KLF8: variants seen among roughly 807,000 people sequenced by gnomAD.
KLF8 encodes the protein Krueppel-like factor 8.
A neutral mutation model predicts 18.2 loss-of-function variants in KLF8; 10 were observed. The observed-to-expected ratio is 0.55, with a 90% CI of 0.34 to 0.93. The LOEUF (loss-of-function observed/expected upper bound fraction) is 0.93. Ranked by LOEUF, KLF8 falls within the 40% of genes least tolerant of loss-of-function variation. KLF8 has a pLI of 0.02. For synonymous variants in KLF8, 109 were observed against 97.3 expected (o/e 1.12, Z -0.71); for missense variants, 264 against 277.9 (o/e 0.95, Z 0.36).
the KLF8 span, among the ~76,000 whole-genome samples, chrX:56,159,730 G>A: frequency 3.3e-4 from 37 of 111,614 alleles, no homozygotes; most frequent in Non-Finnish European, 3.2e-4. Context: ...GATCGGTGGT[G>A]ATATCCCCTT....
chrX:56,192,148 G>A, the KLF8 span, among the ~76,000 whole-genome samples: 1 of 111,698 alleles, frequency 9.0e-6, no homozygotes, highest in African/African-American at 3.2e-5. Flanking sequence ...AAGTGAACAT[G>A]CAAAAATCAG....
chrX:55,966,041 C>G, the KLF8 span, among the ~76,000 whole-genome samples: 2 of 112,131 alleles, frequency 1.8e-5, no homozygotes, highest in Non-Finnish European at 3.8e-5. Context: ...TGTGGAGAGA[C>G]TTGTCTGACT....
chrX:56,219,668 T>C, the KLF8 span, among the ~76,000 whole-genome samples: 1 of 111,430 alleles, frequency 9.0e-6, no homozygotes, highest in South Asian at 3.7e-4. Flanking sequence ...CTTGCCCCCC[T>C]ACTTCAATTC....
At chrX:56,261,719 T>C (rs1174645000) in intron 2 of KLF8, among the ~76,000 whole-genome samples, 2 of 110,577 alleles carry the variant, frequency 1.8e-5, no homozygotes, top group Non-Finnish European at 3.8e-5. Context: ...ATAGGGAGGG[T>C]TATATTCAAA....
chrX:56,132,926 A>G, the KLF8 span, among the ~76,000 whole-genome samples: 1 of 111,565 alleles, frequency 9.0e-6, no homozygotes, highest in African/African-American at 3.3e-5. Context: ...GGACATGGAT[A>G]AATTCCTGGA....
chrX:55,983,590 T>A, the KLF8 span, among the ~76,000 whole-genome samples: 1 of 112,300 alleles, frequency 8.9e-6, no homozygotes, highest in African/African-American at 3.2e-5. Context: ...CATTTCTATT[T>A]GTGGTTGATA....
At chrX:55,922,193 T>C in the KLF8 span, among the ~76,000 whole-genome samples, 1 of 112,693 alleles carries the variant, frequency 8.9e-6, no homozygotes, top group East Asian at 2.8e-4. Flanking sequence ...CTATTCACAA[T>C]AGCAAAGACA....
chrX:56,123,299 G>GAAAGAAAGAAAGAAAGAAAGAA, the KLF8 span, among the ~76,000 whole-genome samples: 2 of 102,842 alleles, frequency 1.9e-5, no homozygotes, highest in Admixed American at 1.1e-4. Flanking sequence ...AAGAAAGAAA[G>GAAAGAAAGAAAGAAAGAAAGAA]AGAAAGAAAG....
chrX:56,001,702 T>G, the KLF8 span, among the ~76,000 whole-genome samples: 1 of 112,024 alleles, frequency 8.9e-6, no homozygotes, highest in South Asian at 3.7e-4. Flanking sequence ...CCTCAGCTCT[T>G]AACAACTCCA....
At chrX:56,108,407 A>G in the KLF8 span, among the ~76,000 whole-genome samples, 1 of 111,927 alleles carries the variant, frequency 8.9e-6, no homozygotes, top group African/African-American at 3.2e-5. Context: ...TGCTTTTATT[A>G]TGAAAGTTTA....
the KLF8 span, among the ~76,000 whole-genome samples, chrX:55,934,973 G>A: frequency 9.0e-6 from 1 of 111,449 alleles, no homozygotes; most frequent in South Asian, 3.8e-4. Flanking sequence ...TAGTTGAAGG[G>A]GAGCCATATG....
chrX:55,945,432 G>A, the KLF8 span, among the ~76,000 whole-genome samples: 2 of 111,204 alleles, frequency 1.8e-5, no homozygotes, highest in African/African-American at 6.6e-5. Context: ...ACAGTGGGGT[G>A]TTAAAGTCTC....
chrX:56,027,712 C>T, the KLF8 span, among the ~76,000 whole-genome samples: 3 of 112,341 alleles, frequency 2.7e-5, no homozygotes, highest in Non-Finnish European at 5.6e-5. Flanking sequence ...TCTACTGATG[C>T]CCATGGCTGG....
chrX:56,018,780 T>A, the KLF8 span, among the ~76,000 whole-genome samples: 1 of 111,119 alleles, frequency 9.0e-6, no homozygotes, highest in Non-Finnish European at 1.9e-5. Flanking sequence ...ACTGGGCATT[T>A]GTTTGTATGT....
At chrX:56,166,835 G>C in the KLF8 span, among the ~76,000 whole-genome samples, 2 of 111,393 alleles carry the variant, frequency 1.8e-5, no homozygotes, top group Non-Finnish European at 3.8e-5. Context: ...TAGCAGGCTG[G>C]GTTGAAGCCT....
the KLF8 span, among the ~76,000 whole-genome samples, chrX:56,005,533 G>C: frequency 2.7e-5 from 3 of 111,941 alleles, no homozygotes; most frequent in Admixed American, 9.4e-5. Context: ...AGCACAGGGG[G>C]TGGGGTGGGG....
chrX:56,271,047 A>G (rs962328838), intron 5 of KLF8, among the ~76,000 whole-genome samples: 2 of 112,587 alleles, frequency 1.8e-5, no homozygotes, highest in African/African-American at 6.5e-5. Flanking sequence ...CAGTATAACA[A>G]CTACTTACAT....
At chrX:56,071,520 T>C in the KLF8 span, among the ~76,000 whole-genome samples, 2 of 111,942 alleles carry the variant, frequency 1.8e-5, no homozygotes, top group African/African-American at 6.5e-5. Flanking sequence ...ATGAGAAAAT[T>C]AATTTTGTTC....
the KLF8 span, among the ~76,000 whole-genome samples, chrX:55,909,898 T>A: frequency 1.8e-5 from 2 of 112,214 alleles, no homozygotes; most frequent in African/African-American, 6.5e-5. Context: ...CAGAAACTTG[T>A]TAGAAAGGGT....
Sources: allele counts gnomAD v4.1 joint callset (sites outside exome capture counted in the v4.1 genomes callset), GRCh38; gene constraint gnomAD v4.1.1; transcripts MANE v1.5; gene names NCBI Gene and HGNC (gene_info 2026-07-23, HGNC 2026-07-21).